Variants in UFL1 observed in about 807,000 individuals in gnomAD.
UFL1 encodes the protein E3 UFM1-protein ligase 1.
A neutral mutation model predicts 99.3 loss-of-function variants in UFL1; 78 were observed. That is an observed-to-expected ratio of 0.79 (90% CI 0.65 to 0.95). The LOEUF (loss-of-function observed/expected upper bound fraction) is 0.95. Among genes scored for constraint, UFL1 ranks in the 40% least tolerant of loss-of-function variants. The pLI is 0.00. For synonymous variants in UFL1, 335 were observed against 322.2 expected (o/e 1.04, Z -0.42); for missense variants, 936 against 937.0 (o/e 1.00, Z 0.01).
chr6:96,542,790 T>C, intron 11 of UFL1, 104 bp from the exon 12 acceptor site: 5 of 1,198,354 alleles, frequency 4.2e-6, no homozygotes, highest in Non-Finnish European at 5.4e-6. Context: ...TTATTTTGCC[T>C]TTATTTTTTC....
chr6:96,533,541 A>G (rs933556445), intron 6 of UFL1, among the ~76,000 whole-genome samples: 1 of 152,028 alleles, frequency 6.6e-6, no homozygotes, highest in Non-Finnish European at 1.5e-5. Flanking sequence ...AGAGGCAGAA[A>G]ACAGATAGTT....
intron 11 of UFL1, among the ~76,000 whole-genome samples, chr6:96,542,254 A>G (rs548014083): frequency 6.6e-6 from 1 of 151,378 alleles, no homozygotes; most frequent in African/African-American, 2.4e-5. Context: ...GTCAATAGGT[A>G]ATAATACTTT....
In UFL1 at chr6:96,521,834, T is replaced by G. The variant is rs756853002; in HGVS notation, c.-40T>G. On this transcript the variant is annotated 5_prime_UTR_variant, in exon 1 of 19. Transcript: ENST00000369278. ...TTCTCCCACCGCCTGTCGGCTGACG[T>G]GTCTGCAGTTCCTCCGCGTCTACTG... 5 of 1,593,170 alleles carry G rather than the reference T, an allele frequency of 3.1e-6. No homozygotes were observed. Among genetic ancestry groups the G allele is most frequent in the Middle Eastern group, 2.0e-4 (1 of 4,894 alleles).
At chr6:96,540,405 C>A in intron 10 of UFL1, 130 bp from the exon 11 acceptor site, 2 of 1,196,594 alleles carry the variant, frequency 1.7e-6, no homozygotes, top group Non-Finnish European at 2.3e-6. Context: ...AGAGTGACAG[C>A]TCTGAAACAA....
rs779897293 is a variant in UFL1 at position 96,553,500 on chromosome 6, G to A, written c.2382G>A (p.Glu794=). 1 of 1,612,214 alleles carries A rather than the reference G, an allele frequency of 6.2e-7. No homozygotes were observed. Among genetic ancestry groups the A allele is most frequent in the Non-Finnish European group, 8.5e-7 (1 of 1,179,212 alleles). Residue 794 remains glutamate, a synonymous_variant, in exon 19 of 19, where the codon GAG becomes GAA. Coordinates refer to ENST00000369278, the MANE Select transcript of UFL1 (RefSeq NM_015323.5). The part of the protein sequence containing the change: ...LKSRKSSVTE[E] The stretch of plus-strand genomic sequence containing the variant: ...CTAGGAAATCATCTGTGACGGAAGA[G>A]TAATGATCTTAATTTACATTTGTCA...
intron 11 of UFL1, among the ~76,000 whole-genome samples, 200 bp from the exon 12 acceptor site, chr6:96,542,685 AAAAGATTTC>A: frequency 6.6e-6 from 1 of 151,206 alleles, no homozygotes; most frequent in Non-Finnish European, 1.5e-5. Flanking sequence ...TAGATTGCTC[AAAAGATTTC>A]ATATTTTATT....
Position 96,537,561 on chromosome 6 carries a change from C to A in UFL1, c.978+12C>A. The A allele has an allele frequency of 1.3e-6, 2 of 1,551,490 alleles. No individual in the cohort carries two copies. Among genetic ancestry groups the A allele is most frequent in the East Asian group, 2.4e-5 (1 of 42,402 alleles). ...GGGTTGATATTGCAGTATGTTTTAT[C>A]TTTTCCTCACTTTTCTTTAAACAGT... On this transcript the variant is annotated intron_variant, in intron 9 of 18. Transcript: ENST00000369278.
intron 6 of UFL1, among the ~76,000 whole-genome samples, chr6:96,531,481 T>C (rs1047364619): frequency 7.9e-5 from 12 of 152,192 alleles, no homozygotes; most frequent in African/African-American, 2.9e-4. Flanking sequence ...TGGTTTCCCA[T>C]TGCTACTGCA....
chr6:96,541,030 A>G (rs1769923945), intron 11 of UFL1, among the ~76,000 whole-genome samples: 1 of 151,240 alleles, frequency 6.6e-6, no homozygotes, highest in Admixed American at 6.6e-5. Flanking sequence ...TTTTACCTGG[A>G]ATGCCCTCTC....
In UFL1 at chr6:96,553,527, A is replaced by C. The variant is rs902207552; in HGVS notation, c.*24A>C. 16 of 1,601,732 alleles carry C rather than the reference A, an allele frequency of 1.0e-5. No homozygotes were observed. Among genetic ancestry groups the C allele is most frequent in the Non-Finnish European group, 1.1e-5 (13 of 1,173,138 alleles). ...AATGATCTTAATTTACATTTGTCAT[A>C]TAGTAAGCATTTTCCCCCAAGGTTG... On this transcript the variant is annotated 3_prime_UTR_variant, in exon 19 of 19. Coordinates refer to ENST00000369278, the MANE Select transcript of UFL1 (RefSeq NM_015323.5).
At chr6:96,545,577 G>A (rs1769987435) in intron 12 of UFL1, among the ~76,000 whole-genome samples, 1 of 150,588 alleles carries the variant, frequency 6.6e-6, no homozygotes, top group South Asian at 2.1e-4. Flanking sequence ...TAGATTATAA[G>A]GATTATTTAA....
Position 96,535,582 on chromosome 6 carries a change from A to G in UFL1, c.656-662A>G, listed in dbSNP as rs567841748. 3.9e-5 allele frequency among the ~76,000 whole-genome samples: 6 copies of G among 152,144 alleles called. No individual in the cohort carries two copies. In the South Asian group the frequency reaches 1.2e-3, roughly 31 times the overall value. ...GATATTGTTATTATCCCCATTTCAC[A>G]GATACGGAAATGGAGAAATAAGGAA... is the stretch of plus-strand genomic sequence containing the variant. On this transcript the variant is annotated intron_variant, in intron 7 of 18. Coordinates refer to ENST00000369278, the MANE Select transcript of UFL1 (RefSeq NM_015323.5).
chr6:96,552,881 A>C (rs1770102459), intron 18 of UFL1, among the ~76,000 whole-genome samples: 1 of 152,140 alleles, frequency 6.6e-6, no homozygotes, highest in African/African-American at 2.4e-5. Flanking sequence ...TTAAGCTTTC[A>C]GAAAAGATAC....
At chr6:96,546,781 A>G (rs1204765376) in intron 12 of UFL1, among the ~76,000 whole-genome samples, 2 of 151,686 alleles carry the variant, frequency 1.3e-5, no homozygotes, top group Admixed American at 1.3e-4. Flanking sequence ...CACCCTATTC[A>G]ATAAATGGTT....
chr6:96,545,013 A>G (rs1160784346), intron 12 of UFL1, among the ~76,000 whole-genome samples: 1 of 151,072 alleles, frequency 6.6e-6, no homozygotes. Context: ...AGTATGAAAG[A>G]TTACTAGAAG....
chr6:96,552,670 A>G lies in UFL1; in HGVS notation c.2166+8A>G, dbSNP rs1582447899. 6.3e-7 allele frequency: 1 copy of G among 1,585,362 alleles called. No individual in the cohort carries two copies. Among genetic ancestry groups the G allele is most frequent in the Non-Finnish European group, 8.5e-7 (1 of 1,170,828 alleles). The stretch of plus-strand genomic sequence containing the variant: ...AATAGTAAAATTCCAGAGGTATTAC[A>G]TTTTCAATACACTTGAAACTTTCAA... On this transcript the variant is annotated splice_region_variant and intron_variant, in intron 18 of 18. Coordinates refer to ENST00000369278, the MANE Select transcript of UFL1 (RefSeq NM_015323.5).
In UFL1 at chr6:96,551,849, CT is replaced by C; in HGVS notation, c.1914del (p.Phe638LeufsTer16). On this transcript the variant is annotated frameshift_variant, in exon 17 of 19. Coordinates refer to ENST00000369278, the MANE Select transcript of UFL1 (RefSeq NM_015323.5). LOFTEE classifies it high-confidence loss of function. ...NSLNEKSIED[F>X]ISCLDSAAEA... ...CAATGCCTTTTCAGAGCATAGAAGA[CT>C]TTATTTCTTGTCTGGATTCTGCAGC... is the stretch of plus-strand genomic sequence containing the variant. The C allele has an allele frequency of 6.2e-7, 1 of 1,602,418 alleles. No individual in the cohort carries two copies. The highest frequency in any genetic ancestry group is 8.5e-7 in the Non-Finnish European group (1 of 1,173,388).
chr6:96,537,838 G>A (rs1002074423), intron 9 of UFL1, among the ~76,000 whole-genome samples: 4 of 151,732 alleles, frequency 2.6e-5, no homozygotes, highest in Admixed American at 1.3e-4. Flanking sequence ...TCTTTTCCAC[G>A]CATTCACAGC....
chr6:96,522,101 C>T, intron 1 of UFL1, 151 bp downstream of exon 1: 2 of 990,764 alleles, frequency 2.0e-6, no homozygotes, highest in South Asian at 1.7e-5. Flanking sequence ...GAGCCTGGAT[C>T]GCAGTTCCAA....
Sources: allele counts gnomAD v4.1 joint callset (sites outside exome capture counted in the v4.1 genomes callset), GRCh38; gene constraint gnomAD v4.1.1; transcripts MANE v1.5; gene names NCBI Gene and HGNC (gene_info 2026-07-23, HGNC 2026-07-21).